The following DLGAP2 variants were observed in gnomAD, a reference collection of about 807,000 sequenced individuals.
DLGAP2 encodes the protein DLG associated protein 2.
Under a neutral mutation model 100.3 loss-of-function variants are expected in DLGAP2, and 26 were observed. The ratio of observed to expected loss-of-function variants is 0.26; its 90% CI spans 0.19 to 0.36. The LOEUF (loss-of-function observed/expected upper bound fraction) is 0.36. Among genes scored for constraint, DLGAP2 ranks in the 10% least tolerant of loss-of-function variants. The probability of loss-of-function intolerance (pLI) is 1.00; values close to 1 mark genes in which losing one functional copy is unlikely to be tolerated. For synonymous variants in DLGAP2, 886 were observed against 630.1 expected (o/e 1.41, Z -6.08); for missense variants, 1,858 against 1,453.2 (o/e 1.28, Z -4.53).
intron 2 of DLGAP2, among the ~76,000 whole-genome samples, chr8:1,222,904 T>C (rs935513332): frequency 6.6e-6 from 1 of 152,034 alleles, no homozygotes; most frequent in Non-Finnish European, 1.5e-5. Context: ...CCAGCCGTGC[T>C]CTCTCCTGGT....
At chr8:1,579,396 G>A (rs1315261893) in intron 6 of DLGAP2, among the ~76,000 whole-genome samples, 2 of 151,968 alleles carry the variant, frequency 1.3e-5, no homozygotes, top group African/African-American at 4.8e-5. Context: ...ACGTATCTGG[G>A]CATGATTCCA....
At chr8:746,105 C>T (rs1354279933) in intron 1 of DLGAP2, among the ~76,000 whole-genome samples, 3 of 152,198 alleles carry the variant, frequency 2.0e-5, no homozygotes, top group African/African-American at 7.2e-5. Context: ...GCAGGAAGGC[C>T]GGGGGTGCGT....
intron 2 of DLGAP2, among the ~76,000 whole-genome samples, chr8:1,163,516 G>C (rs528883887): frequency 6.6e-6 from 1 of 152,258 alleles, no homozygotes; most frequent in Non-Finnish European, 1.5e-5. Flanking sequence ...CCAAAGACTC[G>C]GGAGCTGTAG....
At chr8:1,418,954 G>T (rs973905023) in intron 3 of DLGAP2, among the ~76,000 whole-genome samples, 1 of 152,190 alleles carries the variant, frequency 6.6e-6, no homozygotes, top group Non-Finnish European at 1.5e-5. Context: ...CACTTTACTT[G>T]TGTTTACCCA....
chr8:1,026,470 T>C (rs1004870443), intron 2 of DLGAP2, among the ~76,000 whole-genome samples: 2 of 152,296 alleles, frequency 1.3e-5, no homozygotes, highest in Middle Eastern at 6.8e-3. Flanking sequence ...ACGTGCCTGC[T>C]CCGACCTGCT....
chr8:1,421,775 C>A (rs549069241), intron 3 of DLGAP2, among the ~76,000 whole-genome samples: 1 of 151,970 alleles, frequency 6.6e-6, no homozygotes, highest in Non-Finnish European at 1.5e-5. Context: ...ACCAGCCTGG[C>A]CAACATGGTG....
At chr8:964,249 G>C (rs1027900332) in intron 2 of DLGAP2, among the ~76,000 whole-genome samples, 2 of 152,156 alleles carry the variant, frequency 1.3e-5, no homozygotes, top group African/African-American at 2.4e-5. Flanking sequence ...CTGTGTCTAG[G>C]TGGACTCTCT....
chr8:1,063,382 G>T (rs1035149741), intron 2 of DLGAP2, among the ~76,000 whole-genome samples: 1 of 152,166 alleles, frequency 6.6e-6, no homozygotes, highest in Non-Finnish European at 1.5e-5. Flanking sequence ...CCGAGGTCTC[G>T]GGGTTGTACC....
chr8:1,023,357 AGAGGGGGTGTTCGTT>A (rs1210078759), intron 2 of DLGAP2, among the ~76,000 whole-genome samples: 3 of 152,194 alleles, frequency 2.0e-5, no homozygotes, highest in Admixed American at 6.5e-5. Context: ...AGCAATATGT[AGAGGGGGTGTTCGTT>A]GATGGATTGA....
chr8:1,378,429 C>A (rs1796012796), intron 3 of DLGAP2, among the ~76,000 whole-genome samples: 1 of 151,400 alleles, frequency 6.6e-6, no homozygotes. Flanking sequence ...CCTGCACACA[C>A]CTGACCTCAC....
At chr8:1,001,879 G>C (rs1800967917) in intron 2 of DLGAP2, among the ~76,000 whole-genome samples, 1 of 152,156 alleles carries the variant, frequency 6.6e-6, no homozygotes, top group Non-Finnish European at 1.5e-5. Flanking sequence ...CTGATGCTTT[G>C]AGGCTCAAGA....
intron 3 of DLGAP2, among the ~76,000 whole-genome samples, chr8:1,323,032 A>AT (rs368233603): frequency 0.044 from 6,283 of 142,354 alleles, 133 homozygotes; most frequent in African/African-American, 0.065. Flanking sequence ...TAAACTCACA[A>AT]TTTTTTTTTT....
At chr8:1,623,756 C>T (rs1377626511) in intron 6 of DLGAP2, among the ~76,000 whole-genome samples, 1 of 152,218 alleles carries the variant, frequency 6.6e-6, no homozygotes, top group Non-Finnish European at 1.5e-5. Context: ...TGGGAAGAGG[C>T]CTGGTTTATA....
chr8:1,486,253 C>A (rs1044959065), intron 3 of DLGAP2, among the ~76,000 whole-genome samples: 3 of 152,182 alleles, frequency 2.0e-5, no homozygotes, highest in Non-Finnish European at 4.4e-5. Flanking sequence ...TTGAGCAAGT[C>A]AAGCCTGCAT....
At chr8:1,229,770 A>G (rs1022312279) in intron 2 of DLGAP2, among the ~76,000 whole-genome samples, 1 of 152,238 alleles carries the variant, frequency 6.6e-6, no homozygotes, top group African/African-American at 2.4e-5. Context: ...AACAAAAACC[A>G]TACGTTCATC....
intron 2 of DLGAP2, among the ~76,000 whole-genome samples, chr8:948,174 C>T (rs1344308402): frequency 1.3e-5 from 2 of 152,256 alleles, no homozygotes; most frequent in Non-Finnish European, 2.9e-5. Context: ...GAACCCCAGG[C>T]CGTGGGACAA....
At chr8:1,322,307 C>G (rs1188683067) in intron 3 of DLGAP2, among the ~76,000 whole-genome samples, 1 of 152,206 alleles carries the variant, frequency 6.6e-6, no homozygotes, top group Non-Finnish European at 1.5e-5. Context: ...ACTTCGAAAT[C>G]TCAAACTTAA....
chr8:1,666,968 G>T (rs977071726), intron 8 of DLGAP2, among the ~76,000 whole-genome samples: 2 of 152,146 alleles, frequency 1.3e-5, no homozygotes, highest in Admixed American at 1.3e-4. Context: ...ACTGCTGCTC[G>T]GTCTGTCCTC....
chr8:1,306,218 G>C (rs997959089), intron 3 of DLGAP2, among the ~76,000 whole-genome samples: 8 of 151,850 alleles, frequency 5.3e-5, no homozygotes, highest in African/African-American at 1.7e-4. Context: ...ACCTACACAA[G>C]GGTATAAAAA....
Sources: gnomAD v4.1 joint callset for allele counts (sites outside exome capture counted in the v4.1 genomes callset) on GRCh38, gnomAD v4.1.1 for gene constraint, MANE v1.5 for transcripts, NCBI Gene and HGNC (gene_info 2026-07-23, HGNC 2026-07-21) for gene names.